The following GRB14 variants were observed in gnomAD, a reference collection of about 807,000 sequenced individuals.
GRB14 encodes the protein growth factor receptor-bound protein 14.
Under a neutral mutation model 69.1 loss-of-function variants are expected in GRB14, and 38 were observed. The observed-to-expected ratio is 0.55, with a 90% CI of 0.42 to 0.72. The LOEUF (loss-of-function observed/expected upper bound fraction) is 0.72. GRB14 is among the 30% of genes least tolerant of loss of function. The pLI, the probability that GRB14 is intolerant of heterozygous loss-of-function variation, is 0.00. For missense variants in GRB14, 666 were observed against 666.1 expected (o/e 1.00, Z 0.00); for synonymous variants, 247 against 241.3 (o/e 1.02, Z -0.22).
chr2:164,543,135 A>G (rs2105305915), intron 3 of GRB14, among the ~76,000 whole-genome samples: 1 of 151,320 alleles, frequency 6.6e-6, no homozygotes, highest in South Asian at 2.1e-4. Context: ...TCTACTAAAA[A>G]TAAAATTAAA....
chr2:164,554,657 C>G (rs943185280), intron 2 of GRB14, among the ~76,000 whole-genome samples: 6 of 152,152 alleles, frequency 3.9e-5, no homozygotes, highest in Non-Finnish European at 8.8e-5. Context: ...AAAAACTGCC[C>G]TAGGAGCACA....
At chr2:164,616,527 G>A (rs1690303111) in intron 2 of GRB14, among the ~76,000 whole-genome samples, 1 of 151,802 alleles carries the variant, frequency 6.6e-6, no homozygotes, top group Non-Finnish European at 1.5e-5. Flanking sequence ...TACACTTTGG[G>A]ACATTTTATT....
At chr2:164,607,045 G>A (rs1304782002) in intron 2 of GRB14, among the ~76,000 whole-genome samples, 1 of 152,060 alleles carries the variant, frequency 6.6e-6, no homozygotes, top group African/African-American at 2.4e-5. Flanking sequence ...TCTGACCAAG[G>A]GTAATCCAAA....
chr2:164,504,769 A>G lies in GRB14; in HGVS notation c.1024-2434T>C, dbSNP rs1393717508. Among the ~76,000 whole-genome samples, 3 of 152,308 alleles carry G rather than the reference A, an allele frequency of 2.0e-5. No homozygotes were observed. The East Asian group carries it at 5.8e-4, about 29-fold the overall frequency. ...ATCTCCAGAGCCTATGTTAAGCTACATGGAAAAAGGGAATTAAGGTTGTCA... is the reference window on the plus strand; with the variant it reads ...ATCTCCAGAGCCTATGTTAAGCTACGTGGAAAAAGGGAATTAAGGTTGTCA... On this transcript the variant is annotated intron_variant, in intron 8 of 13. Transcript: ENST00000263915.
intron 2 of GRB14, among the ~76,000 whole-genome samples, chr2:164,596,073 G>A (rs575791022): frequency 2.0e-5 from 3 of 152,248 alleles, no homozygotes; most frequent in East Asian, 1.9e-4. Context: ...GCAGCGAACC[G>A]AGATTGCACC....
chr2:164,583,853 C>T lies in GRB14; in HGVS notation c.324+35834G>A, dbSNP rs537858357. ...TGCGGAAAAGTTCGATGAAATTGGA[C>T]TTTTCTTACTTGAGGGAGTCTCCTT... On this transcript the variant is annotated intron_variant, in intron 2 of 13. Coordinates refer to ENST00000263915, the MANE Select transcript of GRB14 (RefSeq NM_004490.3). Among the ~76,000 whole-genome samples, 130 of 152,220 alleles carry T rather than the reference C, an allele frequency of 8.5e-4. 1 individual carries two copies. The highest frequency in any genetic ancestry group is 3.1e-3 in the African/African-American group (127 of 41,530).
chr2:164,561,334 AG>A (rs1238157745), intron 2 of GRB14, among the ~76,000 whole-genome samples: 1 of 152,210 alleles, frequency 6.6e-6, no homozygotes, highest in Non-Finnish European at 1.5e-5. Flanking sequence ...AACTAATGTT[AG>A]CAATTATTAT....
intron 2 of GRB14, among the ~76,000 whole-genome samples, chr2:164,580,773 A>G (rs1366800037): frequency 1.3e-5 from 2 of 152,162 alleles, no homozygotes; most frequent in Non-Finnish European, 2.9e-5. Flanking sequence ...AGCAAATATT[A>G]GAACTGTCAA....
chr2:164,533,323 C>T (rs565109361), intron 3 of GRB14, among the ~76,000 whole-genome samples: 48 of 149,568 alleles, frequency 3.2e-4, no homozygotes, highest in Middle Eastern at 3.4e-3. Flanking sequence ...AGCTCCGCCT[C>T]CCGGGTTCAC....
intron 2 of GRB14, among the ~76,000 whole-genome samples, chr2:164,597,247 A>G (rs1689805917): frequency 6.6e-6 from 1 of 152,234 alleles, no homozygotes; most frequent in Admixed American, 6.5e-5. Flanking sequence ...AACTAGAAAC[A>G]CAGGCAATGT....
intron 2 of GRB14, among the ~76,000 whole-genome samples, chr2:164,570,024 A>C (rs1456684417): frequency 1.3e-5 from 2 of 152,140 alleles, no homozygotes; most frequent in Non-Finnish European, 2.9e-5. Flanking sequence ...ATTTGGCCTT[A>C]TCTGTCTTCT....
intron 3 of GRB14, among the ~76,000 whole-genome samples, chr2:164,546,007 TA>T (rs1688364281): frequency 6.6e-6 from 1 of 152,220 alleles, no homozygotes; most frequent in African/African-American, 2.4e-5. Context: ...TACACTACCA[TA>T]AAGAGAACCA....
chr2:164,593,489 T>C (rs1211640196), intron 2 of GRB14, among the ~76,000 whole-genome samples: 1 of 152,152 alleles, frequency 6.6e-6, no homozygotes, highest in Non-Finnish European at 1.5e-5. Flanking sequence ...AGCAAAAGTA[T>C]TTCTGAGTTG....
At chr2:164,510,770 C>T (rs146657307) in intron 6 of GRB14, among the ~76,000 whole-genome samples, 6 of 152,270 alleles carry the variant, frequency 3.9e-5, no homozygotes, top group African/African-American at 1.2e-4. Context: ...GGTGCATTCA[C>T]CACAAGATGA....
At chr2:164,592,578 G>C (rs1689691985) in intron 2 of GRB14, among the ~76,000 whole-genome samples, 1 of 152,172 alleles carries the variant, frequency 6.6e-6, no homozygotes, top group South Asian at 2.1e-4. Flanking sequence ...TCTGTGGCCA[G>C]CATCAGCCAC....
In GRB14 at chr2:164,497,025, C is replaced by A; in HGVS notation, c.1365G>T (p.Gln455His). ...AAACTTACCCATCCACAAGTCCTTG[C>A]TGAATAATCAATCGCTGAGCCTCAT... Reference protein sequence around the residue: ...SRDEAQRLIIQQGLVDGVFLV... With the variant: ...SRDEAQRLIIHQGLVDGVFLV... The change falls in exon 12 of 14, where the codon CAG (glutamine) becomes CAT (histidine). Residue 455 changes from glutamine to histidine, a missense_variant. Coordinates refer to ENST00000263915, the MANE Select transcript of GRB14 (RefSeq NM_004490.3). 6.2e-7 allele frequency: 1 copy of A among 1,613,762 alleles called. No individual in the cohort carries two copies. Among genetic ancestry groups the A allele is most frequent in the East Asian group, 2.2e-5 (1 of 44,844 alleles).
At chr2:164,561,643 G>A (rs1022221304) in intron 2 of GRB14, among the ~76,000 whole-genome samples, 2 of 152,158 alleles carry the variant, frequency 1.3e-5, no homozygotes, top group African/African-American at 4.8e-5. Flanking sequence ...CCTGTGCTAG[G>A]TGGAGCAGAG....
intron 2 of GRB14, among the ~76,000 whole-genome samples, chr2:164,563,296 A>G (rs2105324084): frequency 6.6e-6 from 1 of 152,346 alleles, no homozygotes; most frequent in South Asian, 2.1e-4. Context: ...AATGTCTAAT[A>G]TGTCCAAGGC....
At chr2:164,613,836 T>G (rs1404002639) in intron 2 of GRB14, among the ~76,000 whole-genome samples, 1 of 152,214 alleles carries the variant, frequency 6.6e-6, no homozygotes, top group Non-Finnish European at 1.5e-5. Flanking sequence ...AAAGGCCATT[T>G]GTAACATACT....
Sources: gnomAD v4.1 joint callset for allele counts (sites outside exome capture counted in the v4.1 genomes callset) on GRCh38, gnomAD v4.1.1 for gene constraint, MANE v1.5 for transcripts, NCBI Gene and HGNC (gene_info 2026-07-23, HGNC 2026-07-21) for gene names.